CORO7: variants seen among roughly 807,000 people sequenced by gnomAD.
The protein encoded by CORO7 is coronin 7, also known as coronin-7.
Under a neutral mutation model 126.6 loss-of-function variants are expected in CORO7, and 107 were observed. That is an observed-to-expected ratio of 0.85 (90% CI 0.72 to 0.99). The LOEUF is 0.99. CORO7 is among the 50% of genes least tolerant of loss of function. The pLI, the probability that CORO7 is intolerant of heterozygous loss-of-function variation, is 0.00. For missense variants in CORO7, 1,314 were observed against 1,255.8 expected, an observed-to-expected ratio of 1.05 and a Z score of -0.70; for synonymous variants, 603 against 536.8, an observed-to-expected ratio of 1.12 and a Z score of -1.70.
intron 5 of CORO7, among the ~76,000 whole-genome samples, chr16:4,406,829 C>T (rs1317796839): frequency 5.3e-5 from 8 of 151,462 alleles, no homozygotes; most frequent in African/African-American, 4.9e-5. Context: ...TTAGTAGAGA[C>T]GCGGTTTCAC....
intron 6 of CORO7, among the ~76,000 whole-genome samples, chr16:4,399,828 C>A (rs1596328761): frequency 6.6e-6 from 1 of 151,724 alleles, no homozygotes; most frequent in South Asian, 2.1e-4. Flanking sequence ...GAGTTTGAGG[C>A]TGCAGCAAGC....
At position 4,364,996 on chromosome 16, in the gene CORO7, G is replaced by A. The variant is rs1426260537; in HGVS notation, c.898+7C>T. On this transcript the variant is annotated splice_region_variant and intron_variant, in intron 11 of 27. Coordinates refer to ENST00000251166, the MANE Select transcript of CORO7 (RefSeq NM_024535.5). ...GTAGGGGATGGGGGCGAGGAAGCAA[G>A]GCTTACCTGGGCTCAGCGCCGGCTG... 6.2e-7 allele frequency: 1 copy of A among 1,605,706 alleles called. No individual in the cohort carries two copies.
intron 7 of CORO7, among the ~76,000 whole-genome samples, chr16:4,391,938 C>G (rs990175933): frequency 2.6e-5 from 4 of 152,264 alleles, no homozygotes; most frequent in African/African-American, 9.6e-5. Flanking sequence ...AGGGGAGGCG[C>G]GTGCCCGCCC....
intron 3 of CORO7, among the ~76,000 whole-genome samples, chr16:4,410,192 AG>A (rs764783680): frequency 4.6e-5 from 7 of 152,192 alleles, no homozygotes; most frequent in Non-Finnish European, 1.0e-4. Context: ...TGGGAGGCCA[AG>A]GTGGGAAGAT....
intron 9 of CORO7, among the ~76,000 whole-genome samples, chr16:4,373,037 G>A (rs765537728): frequency 7.2e-5 from 11 of 152,120 alleles, no homozygotes; most frequent in South Asian, 2.1e-4. Flanking sequence ...AGGGGTGGCC[G>A]GGCTGGGACC....
intron 13 of CORO7, 80 bp from the exon 14 acceptor site, chr16:4,364,493 A>G: frequency 1.3e-6 from 2 of 1,484,304 alleles, no homozygotes; most frequent in Non-Finnish European, 1.8e-6. Context: ...TCAACTGGGT[A>G]GGGATGGGGG....
intron 21 of CORO7, 74 bp from the exon 22 acceptor site, chr16:4,359,695 G>A (rs1415376407): frequency 1.9e-5 from 28 of 1,512,344 alleles, no homozygotes; most frequent in South Asian, 1.4e-4. Flanking sequence ...AGGCGCCCAC[G>A]TAGCCCCTGC....
intron 9 of CORO7, among the ~76,000 whole-genome samples, chr16:4,385,754 G>A (rs1346553609): frequency 6.6e-6 from 1 of 152,254 alleles, no homozygotes; most frequent in African/African-American, 2.4e-5. Context: ...GTCAGGGGAA[G>A]GGCATAGGTG....
chr16:4,357,790 AAC>A, intron 25 of CORO7, 176 bp downstream of exon 25: 2 of 1,182,842 alleles, frequency 1.7e-6, no homozygotes, highest in Non-Finnish European at 2.3e-6. Flanking sequence ...CTGTGATGAA[AAC>A]ACAGACCACG....
intron 9 of CORO7, among the ~76,000 whole-genome samples, chr16:4,385,309 C>A (rs1341769341): frequency 6.6e-6 from 1 of 152,136 alleles, no homozygotes; most frequent in Non-Finnish European, 1.5e-5. Flanking sequence ...GGAGACAGGA[C>A]CCCAGCACCT....
chr16:4,389,892 A>G (rs1412127579), intron 7 of CORO7, among the ~76,000 whole-genome samples: 1 of 152,160 alleles, frequency 6.6e-6, no homozygotes, highest in East Asian at 1.9e-4. Context: ...AGAAACACAC[A>G]AGGCCTCCCA....
chr16:4,407,008 T>C (rs371956826), intron 5 of CORO7, among the ~76,000 whole-genome samples: 2 of 148,194 alleles, frequency 1.3e-5, no homozygotes, highest in East Asian at 4.1e-4. Flanking sequence ...AGCGCAGTGG[T>C]GCAATCTCGG....
intron 6 of CORO7, among the ~76,000 whole-genome samples, chr16:4,400,947 T>G (rs1157950045): frequency 6.6e-6 from 1 of 152,126 alleles, no homozygotes; most frequent in Admixed American, 6.6e-5. Context: ...ACTTGCTCAC[T>G]TTTTCTGTAA....
intron 1 of CORO7, among the ~76,000 whole-genome samples, chr16:4,416,098 G>T (rs1018232598): frequency 1.1e-4 from 16 of 152,050 alleles, no homozygotes; most frequent in South Asian, 8.3e-4. Context: ...CGCCGGCAGC[G>T]CCCCGAGCCC....
intron 9 of CORO7, among the ~76,000 whole-genome samples, chr16:4,385,037 A>G (rs918599767): frequency 6.6e-6 from 1 of 152,194 alleles, no homozygotes; most frequent in African/African-American, 2.4e-5. Flanking sequence ...GGAGTGTGCC[A>G]TCAGATCAGG....
In CORO7 at chr16:4,359,493, A is replaced by G; in HGVS notation, c.2237T>C (p.Leu746Pro). ...PSYDPDTGLV[L>P]LTGKGDTRVF... ...AGCCCAGCCCACCTTGCCGGTCAGG[A>G]GCACCAGGCCAGTGTCTGGGTCGTA... Residue 746 changes from leucine to proline, a missense_variant, in exon 22 of 28, where the codon CTC becomes CCC. Transcript: ENST00000251166. 1 of 1,613,440 alleles carries G rather than the reference A, an allele frequency of 6.2e-7. No individual in the cohort carries two copies.
At chr16:4,408,096 G>C in intron 4 of CORO7, 85 bp downstream of exon 4, 1 of 1,596,956 alleles carries the variant, frequency 6.3e-7, no homozygotes, top group East Asian at 2.2e-5. Context: ...AGGCAGCAGA[G>C]CCCTGTGGGG....
At chr16:4,413,978 G>C (rs1033644994) in intron 1 of CORO7, among the ~76,000 whole-genome samples, 15 of 151,022 alleles carry the variant, frequency 9.9e-5, no homozygotes, top group African/African-American at 2.9e-4. Context: ...CCTGAGGTCA[G>C]AAGTTCGAAA....
intron 9 of CORO7, chr16:4,381,429 G>T: frequency 6.3e-7 from 1 of 1,580,998 alleles, no homozygotes; most frequent in African/African-American, 1.3e-5. Context: ...TCCTGGCCCT[G>T]GAGCCCGGCA....
Sources: gnomAD v4.1 joint callset for allele counts (sites outside exome capture counted in the v4.1 genomes callset) on GRCh38, gnomAD v4.1.1 for gene constraint, MANE v1.5 for transcripts, NCBI Gene and HGNC (gene_info 2026-07-23, HGNC 2026-07-21) for gene names.